Variants in ALX4 observed in about 807,000 individuals in gnomAD.
ALX4 encodes the protein ALX homeobox 4.
Under a neutral mutation model 40.6 loss-of-function variants are expected in ALX4, and 22 were observed. The observed-to-expected ratio is 0.54, with a 90% CI of 0.39 to 0.77. The LOEUF is 0.77. Ranked by LOEUF, ALX4 falls within the 30% of genes least tolerant of loss-of-function variation. ALX4 has a pLI of 0.00. For synonymous variants in ALX4, 266 were observed against 240.5 expected, an observed-to-expected ratio of 1.11 and a Z score of -0.98; for missense variants, 556 against 564.8, an observed-to-expected ratio of 0.98 and a Z score of 0.16.
chr11:44,270,892 C>T (rs1329274739), intron 2 of ALX4, among the ~76,000 whole-genome samples: 1 of 152,180 alleles, frequency 6.6e-6, no homozygotes, highest in Non-Finnish European at 1.5e-5. Flanking sequence ...CGGGGTGGCC[C>T]AGGGCGGGGA....
chr11:44,301,362 G>T (rs1311292446), intron 1 of ALX4, among the ~76,000 whole-genome samples: 2 of 152,194 alleles, frequency 1.3e-5, no homozygotes, highest in Non-Finnish European at 2.9e-5. Flanking sequence ...GGAGGAGTTG[G>T]TCATCTGGCC....
chr11:44,267,527 C>T lies in ALX4; in HGVS notation c.873G>A (p.Leu291=). The change falls in exon 3 of 4, where the codon CTG becomes CTA. Residue 291 remains leucine (L), a synonymous_variant. Transcript: ENST00000652299. ...AGTTCTCAGCTCGGGTGAGGAGGGGCAGCTCATATGCAGTGGAGAAGTGGG... is the reference window on the plus strand; with the variant it reads ...AGTTCTCAGCTCGGGTGAGGAGGGGTAGCTCATATGCAGTGGAGAAGTGGG... ...VRTHFSTAYE[L]PLLTRAENYA... 1 of 1,614,152 alleles carries T rather than the reference C, an allele frequency of 6.2e-7. No individual in the cohort carries two copies. The highest frequency in any genetic ancestry group is 8.5e-7 in the Non-Finnish European group (1 of 1,180,026).
rs1956393345 is a variant in ALX4 at position 44,294,812 on chromosome 11, G to A, written c.466+14785C>T. On this transcript the variant is annotated intron_variant, in intron 1 of 3. Transcript: ENST00000652299. ...GAGCACTTACTATGCTCCAGGAACT[G>A]TTCTAAGATCCTTACCTATTTATTT... 2.7e-5 allele frequency among the ~76,000 whole-genome samples: 4 copies of A among 148,902 alleles called. No homozygotes were observed. The South Asian group carries it at 8.6e-4, about 32-fold the overall frequency.
At chr11:44,277,950 G>C (rs886540056) in intron 1 of ALX4, among the ~76,000 whole-genome samples, 6 of 152,102 alleles carry the variant, frequency 3.9e-5, no homozygotes, top group Non-Finnish European at 8.8e-5. Context: ...TGGCAGCTGG[G>C]CCAAGAGCTT....
At chr11:44,265,259 G>C (rs1159701818) in intron 3 of ALX4, 76 bp from the exon 4 acceptor site, 3 of 1,333,790 alleles carry the variant, frequency 2.2e-6, no homozygotes, top group Admixed American at 2.5e-5. Flanking sequence ...TTCCCCCAGA[G>C]CACCTCTCCC....
At chr11:44,273,096 A>G (rs1366010373) in intron 2 of ALX4, among the ~76,000 whole-genome samples, 1 of 151,776 alleles carries the variant, frequency 6.6e-6, no homozygotes, top group Non-Finnish European at 1.5e-5. Context: ...TTAATTCAAG[A>G]GTCCCTGGGG....
intron 1 of ALX4, among the ~76,000 whole-genome samples, chr11:44,303,247 T>C (rs1461051863): frequency 6.6e-6 from 1 of 152,096 alleles, no homozygotes; most frequent in Admixed American, 6.5e-5. Flanking sequence ...CAGTTCAGAA[T>C]GAAAATCCAC....
intron 1 of ALX4, among the ~76,000 whole-genome samples, chr11:44,294,725 G>T (rs1956392834): frequency 6.6e-6 from 1 of 152,158 alleles, no homozygotes; most frequent in Non-Finnish European, 1.5e-5. Context: ...AAGGTTTCCG[G>T]CCAGTCTGAT....
At chr11:44,270,265 G>T (rs1437761986) in intron 2 of ALX4, among the ~76,000 whole-genome samples, 1 of 152,138 alleles carries the variant, frequency 6.6e-6, no homozygotes, top group African/African-American at 2.4e-5. Flanking sequence ...GGCCAGCAGA[G>T]CTAGCACCGT....
chr11:44,297,722 TAATAAAATAA>T (rs10542746), intron 1 of ALX4, among the ~76,000 whole-genome samples: 2 of 150,510 alleles, frequency 1.3e-5, no homozygotes, highest in South Asian at 2.1e-4. Context: ...TCTCAAAAAA[TAATAAAATAA>T]AATAAAATAA....
chr11:44,290,255 A>G (rs7939019), intron 1 of ALX4, among the ~76,000 whole-genome samples: 146,587 of 152,324 alleles, frequency 0.96, 70,685 homozygotes, highest in Non-Finnish European at 0.99. Context: ...ACTTTCATCC[A>G]GAGGCTGGCG....
Position 44,264,539 on chromosome 11 carries a change from T to A in ALX4, c.*315A>T, listed in dbSNP as rs761134482. The A allele has an allele frequency of 4.5e-6, 2 of 447,694 alleles. No individual in the cohort carries two copies. Among genetic ancestry groups the A allele is most frequent in the Admixed American group, 7.4e-5 (2 of 26,940 alleles). 27.7% of individuals were successfully genotyped at this position (447,694 alleles called of 1,614,324 possible). ...TGGTCAACTAGGCAGAGCAGAGGAGTGGGCGGGAGCAAGAAAGCGCTTTCA... is the reference window on the plus strand; with the variant it reads ...TGGTCAACTAGGCAGAGCAGAGGAGAGGGCGGGAGCAAGAAAGCGCTTTCA... On this transcript the variant is annotated 3_prime_UTR_variant, in exon 4 of 4. Transcript: ENST00000652299.
chr11:44,300,839 A>G (rs1956430429), intron 1 of ALX4, among the ~76,000 whole-genome samples: 1 of 152,250 alleles, frequency 6.6e-6, no homozygotes, highest in Non-Finnish European at 1.5e-5. Flanking sequence ...CAGCCACTAG[A>G]GAAAACTCAT....
chr11:44,265,654 G>A lies in ALX4; in HGVS notation c.907-471C>T, dbSNP rs183066619. Among the ~76,000 whole-genome samples the A allele has an allele frequency of 5.3e-5, 8 of 152,288 alleles. No individual in the cohort carries two copies. In the East Asian group the frequency reaches 1.4e-3, roughly 26 times the overall value. ...TTCCCTTGGGCCCCCACCAGTAGCA[G>A]GGAAGATGGAGGGGTTGGGTGAGGT... is the stretch of plus-strand genomic sequence containing the variant. On this transcript the variant is annotated intron_variant, in intron 3 of 3. Transcript: ENST00000652299.
At chr11:44,273,368 G>A (rs374663053) in intron 2 of ALX4, among the ~76,000 whole-genome samples, 27 of 152,256 alleles carry the variant, frequency 1.8e-4, no homozygotes, top group East Asian at 7.7e-4. Flanking sequence ...ACTTAAACTT[G>A]AGTGTGTGAA....
Position 44,262,959 on chromosome 11 carries a change from C to A in ALX4, c.*1895G>T. The A allele has an allele frequency of 6.6e-6, 1 of 152,222 alleles. No individual in the cohort carries two copies. Among genetic ancestry groups the A allele is most frequent in the Non-Finnish European group, 1.5e-5 (1 of 68,048 alleles). The allele number at this position is 152,222 out of a possible 1,614,324, so 9.4% of individuals were successfully genotyped here. On this transcript the variant is annotated 3_prime_UTR_variant, in exon 4 of 4. Transcript: ENST00000652299. ...GCCAAGCCTCCAAGAACATTTAATT[C>A]AATGTCCAAGACCCTTTCACCTCTA... is the stretch of plus-strand genomic sequence containing the variant.
chr11:44,281,587 G>A (rs1590694534), intron 1 of ALX4, among the ~76,000 whole-genome samples: 2 of 152,040 alleles, frequency 1.3e-5, no homozygotes, highest in Admixed American at 1.3e-4. Context: ...ACACACCGAT[G>A]TAATCTCCTT....
chr11:44,277,482 T>G (rs910392799), intron 1 of ALX4, among the ~76,000 whole-genome samples: 1 of 152,214 alleles, frequency 6.6e-6, no homozygotes, highest in Non-Finnish European at 1.5e-5. Flanking sequence ...ACCTTTCACG[T>G]GCACGAGCTT....
rs972041200 is a variant in ALX4, at chr11:44,263,884, G to C, written c.*970C>G. 7 of 152,358 alleles carry C rather than the reference G, an allele frequency of 4.6e-5. No homozygotes were observed. The highest frequency in any genetic ancestry group is 2.4e-5 in the African/African-American group (1 of 41,454). 9.4% of individuals were successfully genotyped at this position (152,358 alleles called of 1,614,324 possible). ...CCAGGGTAGGGCAGGGAAGAGACGAGCCCCTCCGCATCCTCCTGGAGGGAA... is the reference window on the plus strand; with the variant it reads ...CCAGGGTAGGGCAGGGAAGAGACGACCCCCTCCGCATCCTCCTGGAGGGAA... On this transcript the variant is annotated 3_prime_UTR_variant, in exon 4 of 4. Coordinates refer to ENST00000652299, the MANE Select transcript of ALX4 (RefSeq NM_021926.4).
Sources: allele counts gnomAD v4.1 joint callset (sites outside exome capture counted in the v4.1 genomes callset), GRCh38; gene constraint gnomAD v4.1.1; transcripts MANE v1.5; gene names NCBI Gene and HGNC (gene_info 2026-07-23, HGNC 2026-07-21).